RNGTT: variants seen among roughly 807,000 people sequenced by gnomAD.
The protein encoded by RNGTT is RNA guanylyltransferase and 5'-phosphatase, also known as mRNA-capping enzyme.
A neutral mutation model predicts 79.3 loss-of-function variants in RNGTT; 33 were observed. That is an observed-to-expected ratio of 0.42 (90% CI 0.32 to 0.56). The LOEUF (loss-of-function observed/expected upper bound fraction) is 0.56, where lower values mean the gene tolerates loss of function less well. RNGTT is among the 20% of genes least tolerant of loss of function. RNGTT has a pLI of 0.17. For synonymous variants in RNGTT, 222 were observed against 235.9 expected, an observed-to-expected ratio of 0.94 and a Z score of 0.54; for missense variants, 497 against 739.1, an observed-to-expected ratio of 0.67 and a Z score of 3.80.
intron 8 of RNGTT, among the ~76,000 whole-genome samples, chr6:88,866,742 C>T (rs982376722): frequency 1.1e-4 from 16 of 152,122 alleles, no homozygotes; most frequent in African/African-American, 3.6e-4. Flanking sequence ...TCTTAAGACA[C>T]ATCTTAAAGA....
intron 11 of RNGTT, among the ~76,000 whole-genome samples, chr6:88,816,383 T>C (rs1322537344): frequency 1.3e-5 from 2 of 152,200 alleles, no homozygotes; most frequent in African/African-American, 2.4e-5. Flanking sequence ...GGGACATATA[T>C]GTGCACTTAT....
chr6:88,821,245 A>G (rs753745290), intron 11 of RNGTT, among the ~76,000 whole-genome samples: 10 of 152,160 alleles, frequency 6.6e-5, no homozygotes, highest in Admixed American at 2.6e-4. Context: ...GGACCTTCAC[A>G]TGCAAAAAAA....
intron 11 of RNGTT, among the ~76,000 whole-genome samples, chr6:88,836,472 T>TG: frequency 6.6e-6 from 1 of 152,290 alleles, no homozygotes; most frequent in East Asian, 1.9e-4. Context: ...CCAGCTGTGG[T>TG]GGCTCACGCT....
intron 14 of RNGTT, among the ~76,000 whole-genome samples, chr6:88,674,245 T>C (rs1457205526): frequency 1.3e-5 from 2 of 152,168 alleles, no homozygotes; most frequent in Admixed American, 6.5e-5. Flanking sequence ...ATTTTTCATT[T>C]AAAAATGTTG....
intron 13 of RNGTT, among the ~76,000 whole-genome samples, chr6:88,682,069 C>T (rs892398003): frequency 6.6e-6 from 1 of 152,114 alleles, no homozygotes; most frequent in Non-Finnish European, 1.5e-5. Context: ...GAAAGTAGAA[C>T]TTGTCAGGTA....
intron 14 of RNGTT, among the ~76,000 whole-genome samples, chr6:88,631,487 A>G (rs1772881786): frequency 6.6e-6 from 1 of 152,218 alleles, no homozygotes; most frequent in Non-Finnish European, 1.5e-5. Flanking sequence ...CAAAGGAGTA[A>G]GGGAGCACTT....
intron 14 of RNGTT, among the ~76,000 whole-genome samples, chr6:88,643,728 T>G (rs1773416194): frequency 6.6e-6 from 1 of 152,156 alleles, no homozygotes; most frequent in South Asian, 2.1e-4. Context: ...ACATGGAAAC[T>G]GAACAACCTG....
At chr6:88,839,204 T>A (rs1781180290) in intron 11 of RNGTT, among the ~76,000 whole-genome samples, 2 of 152,150 alleles carry the variant, frequency 1.3e-5, no homozygotes, top group Admixed American at 1.3e-4. Context: ...GTACCTATAC[T>A]GGAGTGAAGA....
chr6:88,932,406 T>C (rs1784539896), intron 2 of RNGTT, among the ~76,000 whole-genome samples: 1 of 152,170 alleles, frequency 6.6e-6, no homozygotes, highest in Admixed American at 6.5e-5. Context: ...CCTTCTGCCT[T>C]GTGATCTTTT....
At chr6:88,778,386 A>G (rs1417412007) in intron 12 of RNGTT, among the ~76,000 whole-genome samples, 2 of 150,198 alleles carry the variant, frequency 1.3e-5, no homozygotes, top group African/African-American at 2.5e-5. Context: ...GTGGGGCCAT[A>G]TTATAAGAAA....
intron 1 of RNGTT, among the ~76,000 whole-genome samples, chr6:88,949,159 G>GAAAAAAAAAAAAAAAAAAAAAAAAGA: frequency 2.0e-5 from 1 of 50,516 alleles, no homozygotes; most frequent in African/African-American, 7.9e-5. Flanking sequence ...AAAATAAAAT[G>GAAAAAAAAAAAAAAAAAAAAAAAAGA]AAAAAAAAAA....
intron 13 of RNGTT, among the ~76,000 whole-genome samples, chr6:88,737,831 T>G (rs978520637): frequency 2.6e-5 from 4 of 152,204 alleles, no homozygotes; most frequent in African/African-American, 9.7e-5. Context: ...TTTGTTATGG[T>G]AGCTCAAGGA....
chr6:88,906,123 G>A (rs1377613991), intron 5 of RNGTT, among the ~76,000 whole-genome samples: 1 of 152,098 alleles, frequency 6.6e-6, no homozygotes, highest in Admixed American at 6.5e-5. Flanking sequence ...CTCCAGCCTG[G>A]ATGACAGAGG....
intron 13 of RNGTT, among the ~76,000 whole-genome samples, chr6:88,680,597 C>T (rs1329281794): frequency 6.6e-6 from 1 of 151,930 alleles, no homozygotes; most frequent in African/African-American, 2.4e-5. Context: ...CAAAAATTAG[C>T]CAGGCGTGGT....
At chr6:88,745,748 A>G (rs1261402692) in intron 13 of RNGTT, among the ~76,000 whole-genome samples, 2 of 151,792 alleles carry the variant, frequency 1.3e-5, no homozygotes, top group African/African-American at 4.9e-5. Context: ...GGCTATCTGA[A>G]GTATGTGTCG....
chr6:88,843,788 C>T (rs1056537347), intron 11 of RNGTT, among the ~76,000 whole-genome samples: 1 of 150,990 alleles, frequency 6.6e-6, no homozygotes, highest in African/African-American at 2.4e-5. Flanking sequence ...GAGTTCCTGA[C>T]CTTGTGATCT....
chr6:88,847,068 C>G (rs1354563880), intron 10 of RNGTT, among the ~76,000 whole-genome samples: 1 of 151,902 alleles, frequency 6.6e-6, no homozygotes, highest in African/African-American at 2.4e-5. Flanking sequence ...TTAAAAAATG[C>G]CTGTTTTTTA....
intron 13 of RNGTT, among the ~76,000 whole-genome samples, chr6:88,721,536 A>C (rs546762392): frequency 4.6e-5 from 7 of 152,070 alleles, no homozygotes; most frequent in Admixed American, 4.6e-4. Flanking sequence ...CACACTCTAC[A>C]ATGTCCTTAA....
intron 8 of RNGTT, among the ~76,000 whole-genome samples, chr6:88,879,716 A>G (rs1193421696): frequency 6.6e-6 from 1 of 152,198 alleles, no homozygotes; most frequent in Non-Finnish European, 1.5e-5. Context: ...AACTTTAAAA[A>G]AGCAAATTTT....
Sources: gnomAD v4.1 joint callset for allele counts (sites outside exome capture counted in the v4.1 genomes callset) on GRCh38, gnomAD v4.1.1 for gene constraint, MANE v1.5 for transcripts, NCBI Gene and HGNC (gene_info 2026-07-23, HGNC 2026-07-21) for gene names.